Variants in NT5DC1 observed in about 807,000 individuals in gnomAD.
NT5DC1 encodes the protein 5'-nucleotidase domain containing 1.
A neutral mutation model predicts 59.4 loss-of-function variants in NT5DC1; 42 were observed. The ratio of observed to expected loss-of-function variants is 0.71; its 90% CI spans 0.55 to 0.92. NT5DC1 has a LOEUF of 0.92. Ranked by LOEUF, NT5DC1 falls within the 40% of genes least tolerant of loss-of-function variation. NT5DC1 has a pLI of 0.00. For synonymous variants in NT5DC1, 172 were observed against 188.1 expected, an observed-to-expected ratio of 0.91 and a Z score of 0.70; for missense variants, 501 against 537.1, an observed-to-expected ratio of 0.93 and a Z score of 0.66.
rs780989639 is a variant in NT5DC1 at position 116,106,318 on chromosome 6, A to C, written c.168A>C (p.Pro56=). 9.6e-5 allele frequency: 143 copies of C among 1,489,876 alleles called. No homozygotes were observed. The highest frequency in any genetic ancestry group is 1.2e-4 in the Non-Finnish European group (131 of 1,069,846). 92.3% of individuals were successfully genotyped at this position (1,489,876 alleles called of 1,614,324 possible). The change falls in exon 2 of 12, where the codon CCA becomes CCC. Residue 56 remains proline (P), a synonymous_variant. Transcript: ENST00000319550. ...GYDKELLNVT[P]EDWDFCCKGL... ...ATAAGGAATTGCTCAATGTGACCCC[A>C]GAGGATTGGGATTTCTGGTAAGTTC... is the stretch of plus-strand genomic sequence containing the variant.
Position 116,115,728 on chromosome 6 carries a change from A to G in NT5DC1, c.402A>G (p.Pro134=). ...TTTACGACAACTACTTTGACCTGCC[A>G]GGAGCTCTTCTGTGTGCCAGGGTGG... ...YYFYDNYFDL[P]GALLCARVVD... Residue 134 remains proline, a synonymous_variant, in exon 5 of 12, where the codon CCA becomes CCG. Coordinates refer to ENST00000319550, the MANE Select transcript of NT5DC1 (RefSeq NM_152729.3). 3 of 1,606,788 alleles carry G rather than the reference A, an allele frequency of 1.9e-6. No individual in the cohort carries two copies. The highest frequency in any genetic ancestry group is 1.7e-6 in the Non-Finnish European group (2 of 1,173,434).
intron 6 of NT5DC1, among the ~76,000 whole-genome samples, chr6:116,209,616 C>A (rs990837364): frequency 6.6e-6 from 1 of 151,802 alleles, no homozygotes; most frequent in African/African-American, 2.4e-5. Flanking sequence ...CCAAGGTTCA[C>A]CAGGCAGCAG....
intron 4 of NT5DC1, among the ~76,000 whole-genome samples, chr6:116,115,464 A>G (rs1386811081): frequency 2.6e-5 from 4 of 152,356 alleles, no homozygotes; most frequent in African/African-American, 9.6e-5. Flanking sequence ...ATCTTCGAAT[A>G]CAATGCTTAA....
intron 6 of NT5DC1, among the ~76,000 whole-genome samples, chr6:116,218,013 A>G (rs1357597946): frequency 2.0e-5 from 3 of 152,068 alleles, no homozygotes; most frequent in Admixed American, 6.6e-5. Flanking sequence ...CTCATAATCT[A>G]CCATTGGGTA....
intron 6 of NT5DC1, among the ~76,000 whole-genome samples, chr6:116,180,050 C>G (rs1218430305): frequency 6.6e-6 from 1 of 151,964 alleles, no homozygotes; most frequent in Non-Finnish European, 1.5e-5. Context: ...CCGTGGTGTT[C>G]TCTATAACTG....
At chr6:116,231,095 A>C (rs1195272952) in intron 8 of NT5DC1, among the ~76,000 whole-genome samples, 1 of 136,134 alleles carries the variant, frequency 7.3e-6, no homozygotes, top group Non-Finnish European at 1.5e-5. Context: ...AATAAGAGCG[A>C]AACTCCGTCT....
At chr6:116,228,594 T>C (rs1781951752) in intron 8 of NT5DC1, among the ~76,000 whole-genome samples, 1 of 152,216 alleles carries the variant, frequency 6.6e-6, no homozygotes, top group South Asian at 2.1e-4. Context: ...CCTTGTTTTC[T>C]AGGCCTCTGA....
chr6:116,116,411 A>T (rs1339731084), intron 5 of NT5DC1, among the ~76,000 whole-genome samples: 1 of 152,222 alleles, frequency 6.6e-6, no homozygotes, highest in Non-Finnish European at 1.5e-5. Context: ...TAGGAGGCCA[A>T]AACAGGCGGA....
Position 116,171,842 on chromosome 6 carries a change from A to G in NT5DC1, c.530-49212A>G, listed in dbSNP as rs141987305. 2.3e-3 allele frequency among the ~76,000 whole-genome samples: 357 copies of G among 152,338 alleles called. 2 individuals carry two copies. The highest frequency in any genetic ancestry group is 7.9e-3 in the African/African-American group (329 of 41,578). ...TGCAATTTGTAAATTTAGTGTTTTG[A>G]TATTAAAGAGGTACTTAAACAGTTG... is the stretch of plus-strand genomic sequence containing the variant. On this transcript the variant is annotated intron_variant, in intron 6 of 11. Coordinates refer to ENST00000319550, the MANE Select transcript of NT5DC1 (RefSeq NM_152729.3).
At chr6:116,172,775 G>C (rs1233263810) in intron 6 of NT5DC1, among the ~76,000 whole-genome samples, 3 of 152,092 alleles carry the variant, frequency 2.0e-5, no homozygotes, top group African/African-American at 7.2e-5. Flanking sequence ...ATCAAAAATA[G>C]TCAAAACTCT....
At chr6:116,235,508 G>C (rs1782098278) in intron 8 of NT5DC1, among the ~76,000 whole-genome samples, 1 of 152,116 alleles carries the variant, frequency 6.6e-6, no homozygotes, top group Non-Finnish European at 1.5e-5. Flanking sequence ...GCTGTGATTT[G>C]GCTGTAATTA....
intron 1 of NT5DC1, among the ~76,000 whole-genome samples, chr6:116,104,897 A>C (rs1778740577): frequency 6.6e-6 from 1 of 152,092 alleles, no homozygotes; most frequent in African/African-American, 2.4e-5. Context: ...AGTGATTTTC[A>C]GTGTTCTCTG....
At chr6:116,210,029 C>G (rs1781543926) in intron 6 of NT5DC1, among the ~76,000 whole-genome samples, 1 of 151,934 alleles carries the variant, frequency 6.6e-6, no homozygotes, top group East Asian at 1.9e-4. Flanking sequence ...TAATTTTGAG[C>G]AAAATATGTG....
At chr6:116,208,872 T>C (rs1781514403) in intron 6 of NT5DC1, among the ~76,000 whole-genome samples, 1 of 151,978 alleles carries the variant, frequency 6.6e-6, no homozygotes, top group Non-Finnish European at 1.5e-5. Flanking sequence ...ATCTGGCTCA[T>C]AGAATATACT....
chr6:116,154,009 C>T (rs1311762459), intron 6 of NT5DC1, among the ~76,000 whole-genome samples: 1 of 149,446 alleles, frequency 6.7e-6, no homozygotes, highest in East Asian at 2.0e-4. Flanking sequence ...ATGTACAATA[C>T]ATGCCTAAAG....
At position 116,207,160 on chromosome 6, in the gene NT5DC1, T is replaced by C. The variant is rs533640667; in HGVS notation, c.530-13894T>C. 1.8e-4 allele frequency among the ~76,000 whole-genome samples: 28 copies of C among 152,118 alleles called. No homozygotes were observed. In the East Asian group the frequency reaches 4.5e-3, roughly 24 times the overall value. On this transcript the variant is annotated intron_variant, in intron 6 of 11. Coordinates refer to ENST00000319550, the MANE Select transcript of NT5DC1 (RefSeq NM_152729.3). ...GAGCTGATATCTCTGCATTAATAAC[T>C]ATACCTATTCCCTGCCTACAGCAGA...
rs1782156940 is a variant in NT5DC1 at position 116,238,183 on chromosome 6, AC to A, written c.922-3del. The A allele has an allele frequency of 2.5e-6, 4 of 1,606,322 alleles. No homozygotes were observed. The highest frequency in any genetic ancestry group is 3.4e-6 in the Non-Finnish European group (4 of 1,175,680). On this transcript the variant is annotated splice_polypyrimidine_tract_variant and splice_region_variant and intron_variant, in intron 9 of 11. Coordinates refer to ENST00000319550, the MANE Select transcript of NT5DC1 (RefSeq NM_152729.3). ...TCAAACAGCATCTGCTATCTGTCTTACAGGTTGTTTATTTTGGTGACAGCAT... is the reference window on the plus strand; with the variant it reads ...TCAAACAGCATCTGCTATCTGTCTTAAGGTTGTTTATTTTGGTGACAGCAT...
At chr6:116,107,717 C>T (rs537033743) in intron 2 of NT5DC1, among the ~76,000 whole-genome samples, 164 of 151,496 alleles carry the variant, frequency 1.1e-3, no homozygotes, top group Non-Finnish European at 2.0e-3. Context: ...GGACTACAGG[C>T]GCCCGCCACT....
At chr6:116,120,493 A>G (rs1779081335) in intron 6 of NT5DC1, 1 of 1,614,230 alleles carries the variant, frequency 6.2e-7, no homozygotes, top group Non-Finnish European at 8.5e-7. Flanking sequence ...CCTGGTTGGC[A>G]CTAACAAGAG....
Sources: gnomAD v4.1 joint callset for allele counts (sites outside exome capture counted in the v4.1 genomes callset) on GRCh38, gnomAD v4.1.1 for gene constraint, MANE v1.5 for transcripts, NCBI Gene and HGNC (gene_info 2026-07-23, HGNC 2026-07-21) for gene names.